BMERB1: variants seen among roughly 807,000 people sequenced by gnomAD.
BMERB1 encodes bMERB domain containing 1, also known as bMERB domain-containing protein 1.
Under a neutral mutation model 23.6 loss-of-function variants are expected in BMERB1, and 12 were observed. The ratio of observed to expected loss-of-function variants is 0.51; its 90% CI spans 0.33 to 0.82. BMERB1 has a LOEUF of 0.82. BMERB1 is among the 40% of genes least tolerant of loss of function. The pLI, the probability that BMERB1 is intolerant of heterozygous loss-of-function variation, is 0.03. For missense variants in BMERB1, 247 were observed against 255.4 expected (o/e 0.97, Z 0.22); for synonymous variants, 122 against 96.6 (o/e 1.26, Z -1.54).
chr16:15,582,136 G>T (rs180863818), intron 4 of BMERB1, among the ~76,000 whole-genome samples: 68 of 152,286 alleles, frequency 4.5e-4, no homozygotes, highest in African/African-American at 1.6e-3. Flanking sequence ...AGTGGCTGAC[G>T]CCTGTAATCC....
chr16:15,444,887 C>T (rs551840517), intron 1 of BMERB1, among the ~76,000 whole-genome samples: 14 of 152,234 alleles, frequency 9.2e-5, no homozygotes, highest in Middle Eastern at 3.4e-3. Context: ...TTATATAAAT[C>T]TGAAGAAGTT....
chr16:15,443,021 G>A (rs2150921284), intron 1 of BMERB1, among the ~76,000 whole-genome samples: 1 of 152,244 alleles, frequency 6.6e-6, no homozygotes, highest in East Asian at 1.9e-4. Context: ...GCCGAGGCTG[G>A]TGGATCACTT....
chr16:15,510,780 C>T (rs1156393271), intron 1 of BMERB1, among the ~76,000 whole-genome samples: 1 of 151,912 alleles, frequency 6.6e-6, no homozygotes, highest in Non-Finnish European at 1.5e-5. Context: ...CGGCTCACTG[C>T]AGCCTCTGCC....
At chr16:15,464,106 A>G (rs1419647031) in intron 1 of BMERB1, among the ~76,000 whole-genome samples, 1 of 152,018 alleles carries the variant, frequency 6.6e-6, no homozygotes, top group African/African-American at 2.4e-5. Context: ...TGAGGTCAGG[A>G]GTTCGAGACC....
chr16:15,480,672 G>T (rs1171613060), intron 1 of BMERB1, among the ~76,000 whole-genome samples: 5 of 144,162 alleles, frequency 3.5e-5, no homozygotes, highest in Non-Finnish European at 7.5e-5. Flanking sequence ...GGAGTGCAGT[G>T]GCACGATCTC....
chr16:15,575,767 T>G (rs2030842198), intron 3 of BMERB1, among the ~76,000 whole-genome samples: 1 of 152,060 alleles, frequency 6.6e-6, no homozygotes, highest in African/African-American at 2.4e-5. Context: ...GTACACCCTA[T>G]GTAAATGAAG....
At chr16:15,574,469 A>G (rs2030808632) in intron 3 of BMERB1, among the ~76,000 whole-genome samples, 1 of 152,094 alleles carries the variant, frequency 6.6e-6, no homozygotes, top group Non-Finnish European at 1.5e-5. Context: ...TTCCTCCCAT[A>G]GTTAGTTCAG....
chr16:15,468,231 T>G (rs1266798850), intron 1 of BMERB1, among the ~76,000 whole-genome samples: 1 of 147,046 alleles, frequency 6.8e-6, no homozygotes, highest in Non-Finnish European at 1.5e-5. Flanking sequence ...CTACAAACTT[T>G]GTCTCCAGGG....
At chr16:15,440,119 C>T (rs1320815732) in intron 1 of BMERB1, among the ~76,000 whole-genome samples, 2 of 151,722 alleles carry the variant, frequency 1.3e-5, no homozygotes, top group African/African-American at 4.8e-5. Flanking sequence ...GTGATGGGCG[C>T]CTATAGTCCC....
chr16:15,473,501 C>T (rs2051248836), intron 1 of BMERB1, among the ~76,000 whole-genome samples: 2 of 151,736 alleles, frequency 1.3e-5, no homozygotes, highest in African/African-American at 4.8e-5. Flanking sequence ...TTATGTTGGC[C>T]AGGCTGGTCT....
intron 1 of BMERB1, chr16:15,447,849 C>A (rs779307502): frequency 2.2e-6 from 1 of 455,760 alleles, no homozygotes; most frequent in South Asian, 1.5e-5. Context: ...CAATATGGGG[C>A]CATTGGAGGA....
At chr16:15,558,010 C>T (rs2030312163) in intron 2 of BMERB1, among the ~76,000 whole-genome samples, 1 of 152,006 alleles carries the variant, frequency 6.6e-6, no homozygotes, top group South Asian at 2.1e-4. Context: ...TGCCACTGCA[C>T]TCCAGCCTGG....
At chr16:15,504,074 G>A (rs998250718) in intron 1 of BMERB1, among the ~76,000 whole-genome samples, 1 of 152,172 alleles carries the variant, frequency 6.6e-6, no homozygotes, top group African/African-American at 2.4e-5. Flanking sequence ...TGTGAGATGG[G>A]TATGCTTGTT....
chr16:15,493,818 A>G (rs2051446102), intron 1 of BMERB1, among the ~76,000 whole-genome samples: 1 of 152,230 alleles, frequency 6.6e-6, no homozygotes, highest in Middle Eastern at 3.2e-3. Context: ...TCCAGCCTGC[A>G]GGGAATTAAA....
chr16:15,553,189 G>A (rs955852971), intron 2 of BMERB1, among the ~76,000 whole-genome samples: 1 of 152,164 alleles, frequency 6.6e-6, no homozygotes, highest in Non-Finnish European at 1.5e-5. Flanking sequence ...TGTATTTTTA[G>A]TAGAGATGGA....
chr16:15,588,057 T>G lies in BMERB1; in HGVS notation c.*1228T>G, dbSNP rs932461269. The G allele has an allele frequency of 5.4e-5, 4 of 73,820 alleles. No individual in the cohort carries two copies. Among genetic ancestry groups the G allele is most frequent in the Admixed American group, 5.1e-4 (4 of 7,840 alleles). The allele number at this position is 73,820 out of a possible 1,614,324, so 4.6% of individuals were successfully genotyped here. On this transcript the variant is annotated 3_prime_UTR_variant, in exon 6 of 6. Coordinates refer to ENST00000300006, the MANE Select transcript of BMERB1 (RefSeq NM_033201.3). Reference sequence around the variant, plus strand: ...AGTACAAAAAGTATGAAGAAGTTTGTCTTAAAAAAAAAAAAAATTATTCCT... The same window carrying G: ...AGTACAAAAAGTATGAAGAAGTTTGGCTTAAAAAAAAAAAAAATTATTCCT...
intron 1 of BMERB1, among the ~76,000 whole-genome samples, chr16:15,453,642 C>T (rs1177305223): frequency 2.0e-5 from 3 of 151,918 alleles, no homozygotes; most frequent in South Asian, 2.1e-4. Flanking sequence ...GAGGCCGAGG[C>T]GGGCAGATCA....
At chr16:15,495,125 C>CAGGAA (rs1295850981) in intron 1 of BMERB1, among the ~76,000 whole-genome samples, 1 of 151,916 alleles carries the variant, frequency 6.6e-6, no homozygotes, top group Non-Finnish European at 1.5e-5. Context: ...CTCAAGTGAT[C>CAGGAA]CGCCTACCTC....
intron 1 of BMERB1, among the ~76,000 whole-genome samples, chr16:15,476,044 C>T (rs2051272315): frequency 6.6e-6 from 1 of 152,086 alleles, no homozygotes; most frequent in African/African-American, 2.4e-5. Flanking sequence ...GTCTAAAGCC[C>T]CCCTGTGAAC....
Sources: allele counts gnomAD v4.1 joint callset (sites outside exome capture counted in the v4.1 genomes callset), GRCh38; gene constraint gnomAD v4.1.1; transcripts MANE v1.5; gene names NCBI Gene and HGNC (gene_info 2026-07-23, HGNC 2026-07-21).